The following OPCML variants were observed in gnomAD, a reference collection of about 807,000 sequenced individuals.
OPCML encodes opioid binding protein/cell adhesion molecule like.
OPCML carries 13 observed loss-of-function variants against 37.8 expected under a neutral mutation model. That is an observed-to-expected ratio of 0.34 (90% confidence interval 0.22 to 0.55). The LOEUF (loss-of-function observed/expected upper bound fraction) is 0.55, where lower values mean the gene tolerates loss of function less well. OPCML is among the 20% of genes least tolerant of loss of function. OPCML has a pLI of 0.91. For missense variants in OPCML, 341 were observed against 435.6 expected (o/e 0.78, Z 1.93); for synonymous variants, 176 against 168.8 (o/e 1.04, Z -0.33).
At chr11:133,006,972 C>A in intron 1 of OPCML, 1 of 985,458 alleles carries the variant, frequency 1.0e-6, no homozygotes, top group Middle Eastern at 5.2e-4. Flanking sequence ...AATACCTGAA[C>A]TGTTAATCCT....
chr11:133,048,271 A>G (rs1057444267), intron 1 of OPCML, among the ~76,000 whole-genome samples: 26 of 152,144 alleles, frequency 1.7e-4, no homozygotes. Context: ...CTTATCAGAG[A>G]AGAAACTGAG....
At chr11:133,215,047 A>G (rs1015418210) in intron 1 of OPCML, among the ~76,000 whole-genome samples, 23 of 152,240 alleles carry the variant, frequency 1.5e-4, no homozygotes, top group Admixed American at 3.3e-4. Context: ...AGAACTTGCC[A>G]TAGTCACAAA....
intron 1 of OPCML, among the ~76,000 whole-genome samples, chr11:133,101,168 C>T (rs564170361): frequency 6.6e-6 from 1 of 152,250 alleles, no homozygotes; most frequent in South Asian, 2.1e-4. Flanking sequence ...TGTGATCTGC[C>T]TGCTTCAGCC....
rs143371276 is a variant in OPCML at position 132,528,452 on chromosome 11, C to A, written c.505+609G>T. Among the ~76,000 whole-genome samples, 204 of 152,290 alleles carry A rather than the reference C, an allele frequency of 1.3e-3. 2 individuals are homozygous for A. The highest frequency in any genetic ancestry group is 4.6e-3 in the African/African-American group (191 of 41,560). ...GGGGCAAGTTTTATTTCCAAGAGGGCAAGCCCCACTGTCCTTCTGGTTCCC... is the reference window on the plus strand; with the variant it reads ...GGGGCAAGTTTTATTTCCAAGAGGGAAAGCCCCACTGTCCTTCTGGTTCCC... On this transcript the variant is annotated intron_variant, in intron 4 of 7. Transcript: ENST00000524381.
intron 1 of OPCML, among the ~76,000 whole-genome samples, chr11:133,166,273 G>C (rs969765692): frequency 6.6e-6 from 1 of 152,120 alleles, no homozygotes; most frequent in Admixed American, 6.5e-5. Context: ...TAATTCCTAG[G>C]TGCTAGGAGC....
intron 3 of OPCML, among the ~76,000 whole-genome samples, chr11:132,578,289 C>T (rs1458815806): frequency 6.6e-6 from 1 of 152,158 alleles, no homozygotes; most frequent in Admixed American, 6.6e-5. Context: ...GTACAGTCCT[C>T]AACCAATGCT....
intron 4 of OPCML, among the ~76,000 whole-genome samples, chr11:132,512,405 C>T (rs186198911): frequency 8.2e-4 from 125 of 152,082 alleles, no homozygotes; most frequent in Admixed American, 2.2e-3. Flanking sequence ...CCTGTACATA[C>T]GTGTTTATAG....
At position 133,408,087 on chromosome 11, in the gene OPCML, C is replaced by A. The variant is rs562993993; in HGVS notation, c.61+124177G>T. Among the ~76,000 whole-genome samples, 6 of 152,222 alleles carry A rather than the reference C, an allele frequency of 3.9e-5. No homozygotes were observed. In the South Asian group the frequency reaches 1.2e-3, roughly 32 times the overall value. ...TTAAGTGAAACGATGTATAACAAAA[C>A]CAATTTTACCATAGGCTAAATGATA... On this transcript the variant is annotated intron_variant, in intron 1 of 7. Transcript: ENST00000524381.
At chr11:133,331,482 T>C (rs1943618443) in intron 1 of OPCML, among the ~76,000 whole-genome samples, 1 of 152,128 alleles carries the variant, frequency 6.6e-6, no homozygotes, top group Non-Finnish European at 1.5e-5. Flanking sequence ...TATTTCTTTC[T>C]CATTATTTTT....
intron 1 of OPCML, among the ~76,000 whole-genome samples, chr11:133,469,306 C>T (rs1947051095): frequency 6.6e-6 from 1 of 152,110 alleles, no homozygotes; most frequent in Non-Finnish European, 1.5e-5. Context: ...AGACACAAAT[C>T]CTTAGTACTG....
intron 4 of OPCML, among the ~76,000 whole-genome samples, chr11:132,464,474 G>T (rs1044454334): frequency 1.3e-5 from 2 of 152,180 alleles, no homozygotes; most frequent in Non-Finnish European, 2.9e-5. Context: ...TTAGTTCATG[G>T]CTTAATCTCT....
At chr11:133,348,364 G>T (rs12277308) in intron 1 of OPCML, among the ~76,000 whole-genome samples, 1 of 152,184 alleles carries the variant, frequency 6.6e-6, no homozygotes, top group Non-Finnish European at 1.5e-5. Context: ...ATGCAATGTC[G>T]TGCATCGAGC....
intron 1 of OPCML, among the ~76,000 whole-genome samples, chr11:133,351,415 C>T (rs1944133778): frequency 6.6e-6 from 1 of 152,170 alleles, no homozygotes; most frequent in South Asian, 2.1e-4. Context: ...TCTCTCTTCT[C>T]AGTAACAACA....
chr11:132,455,981 A>G (rs999726310), intron 4 of OPCML, among the ~76,000 whole-genome samples: 4 of 152,202 alleles, frequency 2.6e-5, no homozygotes, highest in Non-Finnish European at 5.9e-5. Context: ...TTAAAATTTT[A>G]TCGAGTTGCA....
intron 1 of OPCML, among the ~76,000 whole-genome samples, chr11:132,954,100 C>T (rs144630512): frequency 6.6e-6 from 1 of 151,818 alleles, no homozygotes; most frequent in African/African-American, 2.4e-5. Context: ...TAATTCACTA[C>T]TTCATTCAAA....
chr11:132,584,866 G>T (rs1054182410), intron 3 of OPCML, among the ~76,000 whole-genome samples: 4 of 152,150 alleles, frequency 2.6e-5, no homozygotes, highest in Non-Finnish European at 5.9e-5. Flanking sequence ...AACATTTATC[G>T]ACAGAAAACA....
chr11:132,424,031 A>G (rs886606262), intron 7 of OPCML, among the ~76,000 whole-genome samples: 2 of 152,218 alleles, frequency 1.3e-5, no homozygotes, highest in Admixed American at 1.3e-4. Context: ...TTCAATATAT[A>G]GGGTCAGAAA....
At chr11:133,006,733 G>C (rs752278685) in intron 1 of OPCML, 14 of 985,456 alleles carry the variant, frequency 1.4e-5, no homozygotes, top group Non-Finnish European at 1.7e-5. Context: ...TCTGCACTGT[G>C]AGGTGTGAAC....
chr11:133,008,127 A>AG (rs1460237308), intron 1 of OPCML: 2 of 985,302 alleles, frequency 2.0e-6, no homozygotes, highest in Non-Finnish European at 2.4e-6. Context: ...CAGTTCTCCA[A>AG]GCCTCTTGGG....
Sources: gnomAD v4.1 joint callset for allele counts (sites outside exome capture counted in the v4.1 genomes callset) on GRCh38, gnomAD v4.1.1 for gene constraint, MANE v1.5 for transcripts, NCBI Gene and HGNC (gene_info 2026-07-23, HGNC 2026-07-21) for gene names.